Variants in TTC29 observed in about 807,000 individuals in gnomAD.
The protein encoded by TTC29 is tetratricopeptide repeat protein 29.
TTC29 carries 49 observed loss-of-function variants against 58.1 expected under a neutral mutation model. That is an observed-to-expected ratio of 0.84 (90% CI 0.67 to 1.07). TTC29 has a LOEUF of 1.07. Ranked by LOEUF, TTC29 falls within the 50% of genes least tolerant of loss-of-function variation. The pLI is 0.00. For synonymous variants in TTC29, 209 were observed against 196.8 expected, an observed-to-expected ratio of 1.06 and a Z score of -0.52; for missense variants, 582 against 555.6, an observed-to-expected ratio of 1.05 and a Z score of -0.48.
At chr4:146,794,684 C>A (rs1160258112) in intron 11 of TTC29, among the ~76,000 whole-genome samples, 4 of 152,058 alleles carry the variant, frequency 2.6e-5, no homozygotes, top group African/African-American at 4.8e-5. Flanking sequence ...AGCTTACTAT[C>A]TCATAAGCAA....
At chr4:146,740,630 AG>A (rs1360561565) in intron 11 of TTC29, among the ~76,000 whole-genome samples, 1 of 152,132 alleles carries the variant, frequency 6.6e-6, no homozygotes, top group Non-Finnish European at 1.5e-5. Flanking sequence ...ATTTTTATTG[AG>A]AAGGGTATTC....
intron 4 of TTC29, among the ~76,000 whole-genome samples, chr4:146,913,488 T>C (rs1412904173): frequency 4.1e-5 from 5 of 121,546 alleles, no homozygotes; most frequent in Non-Finnish European, 9.2e-5. Flanking sequence ...GTAGTCTTGG[T>C]GGCATGGAAA....
rs188958982 is a variant in TTC29, at chr4:146,777,375, T to A, written c.1330+26082A>T. 1.2e-4 allele frequency among the ~76,000 whole-genome samples: 18 copies of A among 152,238 alleles called. No individual in the cohort carries two copies. In the East Asian group the frequency reaches 3.5e-3, roughly 29 times the overall value. On this transcript the variant is annotated intron_variant, in intron 11 of 12. Coordinates refer to ENST00000325106, the MANE Select transcript of TTC29 (RefSeq NM_031956.4). ...GGACTAGACCCCAACTGGTTTTTTA[T>A]ATATTACGTTGACTTTTTTTTTTTA...
At chr4:146,708,338 A>ATATATATATATATATACATG in intron 11 of TTC29, among the ~76,000 whole-genome samples, 1 of 55,770 alleles carries the variant, frequency 1.8e-5, no homozygotes, top group African/African-American at 5.1e-5. Flanking sequence ...ATATATATAT[A>ATATATATATATATATACATG]TATATATATA....
chr4:146,736,266 G>T (rs550271485), intron 11 of TTC29, among the ~76,000 whole-genome samples: 1 of 151,782 alleles, frequency 6.6e-6, no homozygotes, highest in Non-Finnish European at 1.5e-5. Context: ...AAATGGTCTC[G>T]GTGAGAGTGG....
chr4:146,916,136 A>C (rs966055539), intron 4 of TTC29, among the ~76,000 whole-genome samples: 1 of 151,792 alleles, frequency 6.6e-6, no homozygotes, highest in Non-Finnish European at 1.5e-5. Context: ...AAAGTGAATC[A>C]CTATTCTTAC....
intron 4 of TTC29, among the ~76,000 whole-genome samples, chr4:146,918,479 A>G (rs17022118): frequency 0.16 from 23,911 of 151,070 alleles, 3,024 homozygotes; most frequent in African/African-American, 0.34. Context: ...GACAGAAATT[A>G]TTTCACAGAT....
chr4:146,874,889 T>G lies in TTC29; in HGVS notation c.626A>C (p.His209Pro). The change falls in exon 7 of 13, where the codon CAT (histidine) becomes CCT (proline). Residue 209 changes from histidine to proline, a missense_variant. Physicochemically the swap from His to Pro is moderately conservative, Grantham distance 77 (BLOSUM62 -2). Transcript: ENST00000325106. ...CCATATCCGCCCCTGTGTCAATTGA[T>G]GGAATGCTTCATAATGCTCAGCAGC... ...LEAAEHYEAF[H>P]QLTQGRIWKD... 1 of 1,613,518 alleles carries G rather than the reference T, an allele frequency of 6.2e-7. No homozygotes were observed. Among genetic ancestry groups the G allele is most frequent in the African/African-American group, 1.3e-5 (1 of 75,034 alleles).
rs372363509 is a variant in TTC29, at chr4:146,756,135, G to A, written c.1330+47322C>T. Among the ~76,000 whole-genome samples the A allele has an allele frequency of 1.5e-3, 221 of 152,018 alleles. 2 individuals are homozygous for A. The highest frequency in any genetic ancestry group is 5.1e-3 in the African/African-American group (211 of 41,490). On this transcript the variant is annotated intron_variant, in intron 11 of 12. Coordinates refer to ENST00000325106, the MANE Select transcript of TTC29 (RefSeq NM_031956.4). Reference sequence around the variant, plus strand: ...TAAAAATACAAAAAATTAGCCAGGCGTAGTGGCAGGTGCCTGTAGTCCCAG... The same window carrying A: ...TAAAAATACAAAAAATTAGCCAGGCATAGTGGCAGGTGCCTGTAGTCCCAG...
intron 11 of TTC29, among the ~76,000 whole-genome samples, chr4:146,724,049 A>G (rs1252267967): frequency 1.3e-5 from 2 of 152,226 alleles, no homozygotes; most frequent in East Asian, 3.8e-4. Flanking sequence ...AGTCACAAAA[A>G]GAGTGAAATC....
chr4:146,840,799 C>T (rs2150168604), intron 8 of TTC29, among the ~76,000 whole-genome samples: 1 of 152,226 alleles, frequency 6.6e-6, no homozygotes, highest in South Asian at 2.1e-4. Flanking sequence ...CATGTAAGAA[C>T]TCTATCTGTA....
intron 11 of TTC29, among the ~76,000 whole-genome samples, chr4:146,779,859 C>T (rs1051629999): frequency 6.6e-6 from 1 of 152,112 alleles, no homozygotes; most frequent in Admixed American, 6.6e-5. Context: ...CTTGGACCCA[C>T]CAGCTATTTC....
intron 10 of TTC29, among the ~76,000 whole-genome samples, chr4:146,807,666 A>G (rs943666185): frequency 6.6e-6 from 1 of 152,186 alleles, no homozygotes; most frequent in East Asian, 1.9e-4. Context: ...CTGGACACAT[A>G]TACCCTCCCA....
At chr4:146,817,558 T>G (rs1261791640) in intron 10 of TTC29, among the ~76,000 whole-genome samples, 3 of 152,230 alleles carry the variant, frequency 2.0e-5, no homozygotes, top group Non-Finnish European at 4.4e-5. Context: ...CCAATGACTT[T>G]CTTCACAGAA....
intron 11 of TTC29, among the ~76,000 whole-genome samples, chr4:146,735,904 A>G (rs1390875883): frequency 6.6e-6 from 1 of 152,208 alleles, no homozygotes; most frequent in Non-Finnish European, 1.5e-5. Context: ...GCAGAAAATC[A>G]AAGGATTCAT....
chr4:146,907,143 C>T (rs764025891), intron 5 of TTC29, among the ~76,000 whole-genome samples: 3 of 151,964 alleles, frequency 2.0e-5, no homozygotes, highest in Non-Finnish European at 4.4e-5. Context: ...AAAAGTTAGG[C>T]TTTGTTAACT....
At chr4:146,773,485 T>C (rs1016950361) in intron 11 of TTC29, among the ~76,000 whole-genome samples, 1 of 152,192 alleles carries the variant, frequency 6.6e-6, no homozygotes, top group South Asian at 2.1e-4. Context: ...CATGAGATTT[T>C]TGTTTTTAGT....
chr4:146,903,167 G>A (rs1205228751), intron 6 of TTC29, among the ~76,000 whole-genome samples: 1 of 152,070 alleles, frequency 6.6e-6, no homozygotes, highest in Non-Finnish European at 1.5e-5. Flanking sequence ...TGTTACGTGA[G>A]TTATACAGAT....
At chr4:146,929,420 G>C (rs1735160612) in intron 4 of TTC29, among the ~76,000 whole-genome samples, 1 of 151,676 alleles carries the variant, frequency 6.6e-6, no homozygotes, top group Non-Finnish European at 1.5e-5. Flanking sequence ...ATGTCAGCTA[G>C]TATTTCAGTA....
Sources: gnomAD v4.1 joint callset for allele counts (sites outside exome capture counted in the v4.1 genomes callset) on GRCh38, gnomAD v4.1.1 for gene constraint, MANE v1.5 for transcripts, NCBI Gene and HGNC (gene_info 2026-07-23, HGNC 2026-07-21) for gene names.